ROCK2: variants seen among roughly 807,000 people sequenced by gnomAD.
ROCK2 encodes Rho associated coiled-coil containing protein kinase 2.
In ROCK2, 61 loss-of-function variants were observed where a neutral mutation model predicts 195.1. That is an observed-to-expected ratio of 0.31 (90% confidence interval 0.25 to 0.39). ROCK2 has a LOEUF of 0.39. ROCK2 is among the 10% of genes least tolerant of loss of function. The probability of loss-of-function intolerance (pLI) is 1.00; values close to 1 mark genes in which losing one functional copy is unlikely to be tolerated. For missense variants in ROCK2, 1,109 were observed against 1,637.4 expected (o/e 0.68, Z 5.57); for synonymous variants, 504 against 545.5 (o/e 0.92, Z 1.06).
chr2:11,224,052 T>G (rs1664727126), intron 7 of ROCK2, among the ~76,000 whole-genome samples: 1 of 152,208 alleles, frequency 6.6e-6, no homozygotes, highest in Non-Finnish European at 1.5e-5. Context: ...AAGTTTTATT[T>G]CTTTCAAATC....
rs370160002 is a variant in ROCK2, at chr2:11,207,821, G to A, written c.2454C>T (p.Asn818=). 35 of 1,612,012 alleles carry A rather than the reference G, an allele frequency of 2.2e-5. No homozygotes were observed. The African/African-American group carries it at 4.4e-4, about 20-fold the overall frequency. Residue 818 remains asparagine (N), a synonymous_variant, in exon 20 of 33, where the codon AAC becomes AAT. Coordinates refer to ENST00000315872, the MANE Select transcript of ROCK2 (RefSeq NM_004850.5). Reference sequence around the variant, plus strand: ...ACTGCTTTTCTGACATTTTTAGTGTGTTAACCTGTTGTGTTTGCATCTTCA... The same window carrying A: ...ACTGCTTTTCTGACATTTTTAGTGTATTAACCTGTTGTGTTTGCATCTTCA... ...NDLKMQTQQV[N]TLKMSEKQLK...
intron 1 of ROCK2, among the ~76,000 whole-genome samples, chr2:11,312,120 T>C (rs1291779985): frequency 6.6e-6 from 1 of 152,202 alleles, no homozygotes; most frequent in East Asian, 1.9e-4. Context: ...TTGAAAAACA[T>C]ATTTTTCATT....
chr2:11,323,958 G>C (rs1259299670), intron 1 of ROCK2, among the ~76,000 whole-genome samples: 1 of 152,120 alleles, frequency 6.6e-6, no homozygotes, highest in Non-Finnish European at 1.5e-5. Flanking sequence ...ATCATATATA[G>C]TGTTTTCACT....
chr2:11,275,109 T>C (rs1459140137), intron 3 of ROCK2, among the ~76,000 whole-genome samples: 1 of 151,394 alleles, frequency 6.6e-6, no homozygotes, highest in Non-Finnish European at 1.5e-5. Flanking sequence ...ATACAAAAAT[T>C]AGCCAGGCGT....
chr2:11,284,051 G>A (rs1640592003), intron 3 of ROCK2, among the ~76,000 whole-genome samples: 1 of 152,164 alleles, frequency 6.6e-6, no homozygotes, highest in African/African-American at 2.4e-5. Context: ...GGTACAGCCA[G>A]ACAACAGAAT....
chr2:11,244,371 T>A (rs1022046434), intron 4 of ROCK2, among the ~76,000 whole-genome samples: 3 of 152,228 alleles, frequency 2.0e-5, no homozygotes, highest in Middle Eastern at 3.2e-3. Flanking sequence ...TTGGTAATTG[T>A]TGAAGCTGGG....
intron 4 of ROCK2, among the ~76,000 whole-genome samples, chr2:11,242,713 T>G (rs943876577): frequency 4.6e-5 from 7 of 152,154 alleles, no homozygotes; most frequent in African/African-American, 1.7e-4. Flanking sequence ...CTTGCCTCCT[T>G]ACAATACTAA....
At chr2:11,247,858 C>A (rs994796382) in intron 4 of ROCK2, among the ~76,000 whole-genome samples, 4 of 151,794 alleles carry the variant, frequency 2.6e-5, no homozygotes, top group East Asian at 1.9e-4. Flanking sequence ...CGTCTCTCTA[C>A]TAAAAATACA....
chr2:11,267,785 A>G (rs1424969174), intron 3 of ROCK2, among the ~76,000 whole-genome samples: 1 of 147,400 alleles, frequency 6.8e-6, no homozygotes, highest in Non-Finnish European at 1.5e-5. Flanking sequence ...CGCTGGGACT[A>G]CAGGTGCACG....
chr2:11,202,914 TAGAATCCAAAG>T (rs1224147908), intron 20 of ROCK2, among the ~76,000 whole-genome samples: 2 of 152,106 alleles, frequency 1.3e-5, no homozygotes, highest in East Asian at 3.8e-4. Context: ...TGCCAACAAG[TAGAATCCAAAG>T]AGCACCTCAA....
chr2:11,269,049 T>C (rs1330599175), intron 3 of ROCK2, among the ~76,000 whole-genome samples: 2 of 152,332 alleles, frequency 1.3e-5, no homozygotes, highest in East Asian at 3.9e-4. Flanking sequence ...TGACTCCTTT[T>C]AGTGTTTTTT....
chr2:11,279,108 G>C (rs543174578), intron 3 of ROCK2, among the ~76,000 whole-genome samples: 2 of 151,666 alleles, frequency 1.3e-5, no homozygotes, highest in East Asian at 3.9e-4. Flanking sequence ...GAAAAAGAAT[G>C]GAAGACAAAA....
chr2:11,274,270 T>C (rs1666750632), intron 3 of ROCK2, among the ~76,000 whole-genome samples: 1 of 151,442 alleles, frequency 6.6e-6, no homozygotes, highest in Non-Finnish European at 1.5e-5. Flanking sequence ...AGAGCAAAGA[T>C]AAAACAGAGA....
At chr2:11,305,082 A>G (rs1160055008) in intron 1 of ROCK2, among the ~76,000 whole-genome samples, 2 of 152,224 alleles carry the variant, frequency 1.3e-5, no homozygotes, top group Admixed American at 6.5e-5. Flanking sequence ...TCATTATATA[A>G]AAGATACAGG....
At chr2:11,184,620 C>G in intron 32 of ROCK2, 1 of 984,838 alleles carries the variant, frequency 1.0e-6, no homozygotes, top group Non-Finnish European at 1.2e-6. Context: ...ACCACATGCA[C>G]TACGTTGAAG....
chr2:11,308,480 G>A (rs1386731825), intron 1 of ROCK2: 29 of 1,603,296 alleles, frequency 1.8e-5, no homozygotes, highest in East Asian at 2.2e-5. Flanking sequence ...TAGAGTTCCC[G>A]GTACTTTCTT....
intron 32 of ROCK2, among the ~76,000 whole-genome samples, chr2:11,190,360 GT>G (rs10589703): frequency 0.44 from 46,574 of 106,522 alleles, 7,666 homozygotes; most frequent in East Asian, 0.66. Flanking sequence ...AAGGCCAGAA[GT>G]TTTTTAAAAA....
chr2:11,337,247 A>G lies in ROCK2; in HGVS notation c.141+6749T>C, dbSNP rs75025106. On this transcript the variant is annotated intron_variant, in intron 1 of 32. Transcript: ENST00000315872. Reference sequence around the variant, plus strand: ...GCAACTCAGCAAGACTCTACCTCAGAAAAAAAAAAAAAGAGACAGAGAGAG... The same window carrying G: ...GCAACTCAGCAAGACTCTACCTCAGGAAAAAAAAAAAAGAGACAGAGAGAG... Among the ~76,000 whole-genome samples, 15 of 145,894 alleles carry G rather than the reference A, an allele frequency of 1.0e-4. No individual in the cohort carries two copies. In the South Asian group the frequency reaches 2.8e-3, roughly 27 times the overall value.
intron 3 of ROCK2, among the ~76,000 whole-genome samples, chr2:11,259,423 A>C (rs6432184): frequency 2.0e-5 from 3 of 150,974 alleles, no homozygotes; most frequent in African/African-American, 7.4e-5. Context: ...GGAAGCTACC[A>C]ATTAAGTGTA....
Sources: gnomAD v4.1 joint callset for allele counts (sites outside exome capture counted in the v4.1 genomes callset) on GRCh38, gnomAD v4.1.1 for gene constraint, MANE v1.5 for transcripts, NCBI Gene and HGNC (gene_info 2026-07-23, HGNC 2026-07-21) for gene names.